Variants in ZFP91 observed in about 807,000 individuals in gnomAD.
ZFP91 encodes ZFP91 zinc finger protein, atypical E3 ubiquitin ligase.
ZFP91 carries 7 observed loss-of-function variants against 63.5 expected under a neutral mutation model. That is an observed-to-expected ratio of 0.11 (90% CI 0.06 to 0.21). The LOEUF (loss-of-function observed/expected upper bound fraction) is 0.21, where lower values mean the gene tolerates loss of function less well. Ranked by LOEUF, ZFP91 falls within the 10% of genes least tolerant of loss-of-function variation. ZFP91 has a pLI of 1.00. For missense variants in ZFP91, 628 were observed against 736.6 expected (o/e 0.85, Z 1.71); for synonymous variants, 330 against 272.1 (o/e 1.21, Z -2.10).
At chr11:58,584,402 T>C (rs941219409) in intron 1 of ZFP91, among the ~76,000 whole-genome samples, 1 of 152,126 alleles carries the variant, frequency 6.6e-6, no homozygotes, top group Non-Finnish European at 1.5e-5. Flanking sequence ...CTCCCTGTTT[T>C]GGCAGAAGTA....
At chr11:58,582,637 A>G (rs1032142482) in intron 1 of ZFP91, among the ~76,000 whole-genome samples, 2 of 152,244 alleles carry the variant, frequency 1.3e-5, no homozygotes, top group Non-Finnish European at 2.9e-5. Flanking sequence ...CTTTAGTCAG[A>G]AAGTTTTATG....
chr11:58,611,181 T>C, intron 5 of ZFP91, 127 bp downstream of exon 5: 2 of 703,194 alleles, frequency 2.8e-6, no homozygotes, highest in East Asian at 2.8e-5. Context: ...TAATTAATTA[T>C]GCACTTCTTT....
chr11:58,580,208 CTT>C (rs1855089075), intron 1 of ZFP91, among the ~76,000 whole-genome samples: 1 of 151,720 alleles, frequency 6.6e-6, no homozygotes, highest in Non-Finnish European at 1.5e-5. Flanking sequence ...AGTATGGAGT[CTT>C]TCATATAAAA....
chr11:58,584,766 A>G (rs914668839), intron 1 of ZFP91, 90 bp from the exon 2 acceptor site: 1 of 1,185,882 alleles, frequency 8.4e-7, no homozygotes, highest in African/African-American at 1.6e-5. Flanking sequence ...TGCTTTCTTT[A>G]TCACTCTGGA....
At chr11:58,615,411 A>G (rs565551216) in intron 9 of ZFP91, among the ~76,000 whole-genome samples, 1 of 112,344 alleles carries the variant, frequency 8.9e-6, no homozygotes, top group African/African-American at 2.8e-5. Context: ...AGATTGTTTT[A>G]GTTAAATATC....
At chr11:58,616,904 C>T (rs1248449419) in intron 10 of ZFP91, 89 bp downstream of exon 10, 1 of 1,205,496 alleles carries the variant, frequency 8.3e-7, no homozygotes, top group South Asian at 1.3e-5. Context: ...TTAGTTGCCA[C>T]TGCTGTTTAC....
chr11:58,590,452 G>A (rs1855284956), intron 2 of ZFP91, among the ~76,000 whole-genome samples: 1 of 152,116 alleles, frequency 6.6e-6, no homozygotes, highest in East Asian at 1.9e-4. Flanking sequence ...TATGGTGGTT[G>A]TGGCGCAGTG....
At chr11:58,599,200 C>T (rs1855454748) in intron 2 of ZFP91, among the ~76,000 whole-genome samples, 1 of 151,368 alleles carries the variant, frequency 6.6e-6, no homozygotes, top group African/African-American at 2.4e-5. Flanking sequence ...TTTATCCATT[C>T]ACTGGTTAAT....
At chr11:58,603,248 A>G (rs745908648) in intron 2 of ZFP91, among the ~76,000 whole-genome samples, 19 of 152,194 alleles carry the variant, frequency 1.2e-4, no homozygotes, top group Non-Finnish European at 2.9e-5. Context: ...TTGCTTATAT[A>G]CTAATGTGTG....
chr11:58,607,868 A>G (rs1051376529), intron 2 of ZFP91, among the ~76,000 whole-genome samples: 4 of 152,056 alleles, frequency 2.6e-5, no homozygotes, highest in Non-Finnish European at 5.9e-5. Flanking sequence ...TAAGCACTTT[A>G]TCTTTGACAG....
At chr11:58,594,690 G>A (rs1272450663) in intron 2 of ZFP91, among the ~76,000 whole-genome samples, 1 of 152,180 alleles carries the variant, frequency 6.6e-6, no homozygotes, top group Admixed American at 6.5e-5. Flanking sequence ...TGTAGATGGA[G>A]TAAACAGAGA....
At chr11:58,583,093 T>C (rs1855146422) in intron 1 of ZFP91, among the ~76,000 whole-genome samples, 1 of 152,162 alleles carries the variant, frequency 6.6e-6, no homozygotes, top group Non-Finnish European at 1.5e-5. Context: ...AGCATTAGTA[T>C]ACTAGTTTTT....
intron 2 of ZFP91, among the ~76,000 whole-genome samples, chr11:58,607,827 A>G (rs1752266291): frequency 6.6e-6 from 1 of 152,152 alleles, no homozygotes; most frequent in Non-Finnish European, 1.5e-5. Flanking sequence ...TCTATATAGT[A>G]TTCAATCATA....
rs371368430 is a variant in ZFP91 at position 58,612,349 on chromosome 11, C to T, written c.908+21C>T. On this transcript the variant is annotated intron_variant, in intron 7 of 10. Transcript: ENST00000316059. Reference sequence around the variant, plus strand: ...AGGAGGTGAGGAATTTTTACCCCTACTGTTTTACACCTTATTCCAGTACCA... The same window carrying T: ...AGGAGGTGAGGAATTTTTACCCCTATTGTTTTACACCTTATTCCAGTACCA... 63 of 1,611,932 alleles carry T rather than the reference C, an allele frequency of 3.9e-5. 1 individual carries two copies. The highest frequency in any genetic ancestry group is 6.7e-5 in the Admixed American group (4 of 59,904).
At chr11:58,580,716 CAGAA>C (rs745743584) in intron 1 of ZFP91, among the ~76,000 whole-genome samples, 1 of 152,124 alleles carries the variant, frequency 6.6e-6, no homozygotes, top group African/African-American at 2.4e-5. Context: ...AGAAGCCTCT[CAGAA>C]AGAGAAATAA....
intron 2 of ZFP91, among the ~76,000 whole-genome samples, chr11:58,605,789 A>C (rs532922516): frequency 7.2e-5 from 11 of 152,180 alleles, no homozygotes; most frequent in Non-Finnish European, 1.3e-4. Flanking sequence ...TTGTTTGTAC[A>C]GACTATATTC....
In ZFP91 at chr11:58,620,309, C is replaced by T. The variant is rs1311288996; in HGVS notation, c.*2603C>T. 6.6e-6 allele frequency: 1 copy of T among 152,230 alleles called. No homozygotes were observed. Among genetic ancestry groups the T allele is most frequent in the Non-Finnish European group, 1.5e-5 (1 of 68,040 alleles). 9.4% of individuals were successfully genotyped at this position (152,230 alleles called of 1,614,324 possible). The stretch of plus-strand genomic sequence containing the variant: ...CGTTTCCCTGCTTTCCCTTCTGCTC[C>T]ATATGCCTCATTGTCCTTCCAGGGA... On this transcript the variant is annotated 3_prime_UTR_variant, in exon 11 of 11. Transcript: ENST00000316059.
intron 1 of ZFP91, among the ~76,000 whole-genome samples, chr11:58,580,960 A>T (rs1855103621): frequency 6.6e-6 from 1 of 152,204 alleles, no homozygotes; most frequent in East Asian, 1.9e-4. Context: ...GAAAAGATAC[A>T]TGTATATCAT....
chr11:58,602,920 G>A (rs1043572891), intron 2 of ZFP91, among the ~76,000 whole-genome samples: 9 of 152,160 alleles, frequency 5.9e-5, no homozygotes, highest in Admixed American at 2.6e-4. Context: ...CGATGATTGC[G>A]GTGAGCCAAG....
Sources: gnomAD v4.1 joint callset for allele counts (sites outside exome capture counted in the v4.1 genomes callset) on GRCh38, gnomAD v4.1.1 for gene constraint, MANE v1.5 for transcripts, NCBI Gene and HGNC (gene_info 2026-07-23, HGNC 2026-07-21) for gene names.